The following LIN54 variants were observed in gnomAD, a reference collection of about 807,000 sequenced individuals.
LIN54 encodes the protein lin-54 DREAM MuvB core complex component, also known as protein lin-54 homolog.
LIN54 carries 9 observed loss-of-function variants against 78.7 expected under a neutral mutation model. The ratio of observed to expected loss-of-function variants is 0.11; its 90% CI spans 0.07 to 0.20. The LOEUF (loss-of-function observed/expected upper bound fraction) is 0.20. Ranked by LOEUF, LIN54 falls within the 10% of genes least tolerant of loss-of-function variation. The pLI is 1.00. For synonymous variants in LIN54, 269 were observed against 318.4 expected (o/e 0.84, Z 1.65); for missense variants, 573 against 889.9 (o/e 0.64, Z 4.53).
chr4:82,978,056 G>A (rs983323187), intron 3 of LIN54, among the ~76,000 whole-genome samples: 1 of 151,080 alleles, frequency 6.6e-6, no homozygotes, highest in African/African-American at 2.4e-5. Context: ...GGACAGGAAA[G>A]GAATGATTAC....
At chr4:82,954,291 T>TTTAAAA (rs1724100417) in intron 4 of LIN54, among the ~76,000 whole-genome samples, 1 of 151,872 alleles carries the variant, frequency 6.6e-6, no homozygotes, top group African/African-American at 2.4e-5. Flanking sequence ...ACCACAGACA[T>TTTAAAA]TTTTAAGACC....
chr4:82,970,493 A>T (rs752824637), intron 3 of LIN54, 24 bp from the exon 4 acceptor site: 1 of 1,589,368 alleles, frequency 6.3e-7, no homozygotes, highest in South Asian at 1.2e-5. Flanking sequence ...GCAGCACATC[A>T]GTTTGACTTT....
At chr4:82,938,369 T>C (rs766222167) in intron 8 of LIN54, 44 bp downstream of exon 8, 10 of 1,068,216 alleles carry the variant, frequency 9.4e-6, no homozygotes, top group Non-Finnish European at 1.3e-5. Context: ...CTGTTGCATT[T>C]AAGCTGATCT....
rs561050886 is a variant in LIN54, at chr4:83,009,183, C to T, written c.-33+1301G>A. Among the ~76,000 whole-genome samples, 6 of 152,282 alleles carry T rather than the reference C, an allele frequency of 3.9e-5. No homozygotes were observed. In the East Asian group the frequency reaches 9.6e-4, roughly 24 times the overall value. The stretch of plus-strand genomic sequence containing the variant: ...GAAAGCCAGACCTACAAACTATACA[C>T]ACCTATTCACACAAAATATTTCCCC... On this transcript the variant is annotated intron_variant, in intron 1 of 12. Transcript: ENST00000340417.
chr4:82,937,545 G>T (rs907174054), intron 8 of LIN54, among the ~76,000 whole-genome samples: 2 of 152,226 alleles, frequency 1.3e-5, no homozygotes. Context: ...TAACATGAAA[G>T]AGGTAGAGAC....
chr4:82,938,007 A>G (rs138310306), intron 8 of LIN54, among the ~76,000 whole-genome samples: 113 of 152,210 alleles, frequency 7.4e-4, no homozygotes, highest in Non-Finnish European at 1.3e-3. Context: ...TGGCATGTGC[A>G]TAGAGTTCCA....
intron 4 of LIN54, among the ~76,000 whole-genome samples, chr4:82,966,034 AC>A (rs938582932): frequency 9.9e-5 from 15 of 152,052 alleles, no homozygotes; most frequent in Non-Finnish European, 1.0e-4. Context: ...TCTACTAATA[AC>A]CCCCTTATCA....
At chr4:82,984,029 C>CAA (rs1484978289) in intron 2 of LIN54, 132 bp downstream of exon 2, 1 of 665,916 alleles carries the variant, frequency 1.5e-6, no homozygotes, top group African/African-American at 1.8e-5. Context: ...CACACACACA[C>CAA]AATTACATAA....
At chr4:82,952,087 C>T (rs1392832762) in intron 4 of LIN54, among the ~76,000 whole-genome samples, 2 of 152,144 alleles carry the variant, frequency 1.3e-5, no homozygotes, top group Non-Finnish European at 2.9e-5. Context: ...TTGGATACAA[C>T]ACCAAAGGTG....
In LIN54 at chr4:82,945,423, C is replaced by T. The variant is rs570503535; in HGVS notation, c.1168+835G>A. ...GGTGGTAAGAAGGGTTAAACACAAA[C>T]ATAGAAAATAGAAGGACAACAAACA... On this transcript the variant is annotated intron_variant, in intron 5 of 12. Transcript: ENST00000340417. 2.0e-5 allele frequency among the ~76,000 whole-genome samples: 3 copies of T among 152,134 alleles called. No individual in the cohort carries two copies. In the East Asian group the frequency reaches 5.8e-4, roughly 29 times the overall value.
chr4:83,012,555 G>C (rs1227407161), upstream of LIN54, among the ~76,000 whole-genome samples: 1 of 152,086 alleles, frequency 6.6e-6, no homozygotes, highest in Non-Finnish European at 1.5e-5. Flanking sequence ...CACCCTCTCG[G>C]GAGCCGACGG....
intron 3 of LIN54, among the ~76,000 whole-genome samples, chr4:82,971,498 T>A (rs761678806): frequency 1.5e-4 from 23 of 151,880 alleles, no homozygotes; most frequent in Non-Finnish European, 3.1e-4. Flanking sequence ...ACAATGGTCA[T>A]ATAGATAATC....
chr4:82,972,057 G>A (rs367954810), intron 3 of LIN54, among the ~76,000 whole-genome samples: 20 of 152,156 alleles, frequency 1.3e-4, no homozygotes, highest in African/African-American at 4.8e-4. Flanking sequence ...TATGCCTTTT[G>A]TTTTGTTTTG....
intron 4 of LIN54, among the ~76,000 whole-genome samples, chr4:82,966,420 C>G (rs1354565668): frequency 6.7e-6 from 1 of 149,050 alleles, no homozygotes; most frequent in Non-Finnish European, 1.5e-5. Flanking sequence ...GCCAGACTTA[C>G]TAAACGATGG....
At position 82,984,656 on chromosome 4, in the gene LIN54, C is replaced by T. The variant is rs887817440; in HGVS notation, c.189G>A (p.Thr63=). 7 of 1,613,912 alleles carry T rather than the reference C, an allele frequency of 4.3e-6. No individual in the cohort carries two copies. Among genetic ancestry groups the T allele is most frequent in the Non-Finnish European group, 5.9e-6 (7 of 1,180,016 alleles). Residue 63 remains threonine, a synonymous_variant, in exon 2 of 13, where the codon ACG becomes ACA. Coordinates refer to ENST00000340417, the MANE Select transcript of LIN54 (RefSeq NM_194282.4). ...GGTTACTGTACACTGTGATTGGTTC[C>T]GTGGAAATGGGCGTGGCTGTAGAGT... is the stretch of plus-strand genomic sequence containing the variant. ...TGDSTATPIS[T]EPITVYSNHT... is the part of the protein sequence containing the mutation.
At position 83,010,534 on chromosome 4, in the gene LIN54, A is replaced by G. The variant is rs72927138; in HGVS notation, c.-83T>C. On this transcript the variant is annotated 5_prime_UTR_variant, in exon 1 of 13. Coordinates refer to ENST00000340417, the MANE Select transcript of LIN54 (RefSeq NM_194282.4). Reference sequence around the variant, plus strand: ...CCTCGGGCTCCGAGGTAGGGGCTCCAGAAGGTCCTGGGCAATCCCGAGCCC... The same window carrying G: ...CCTCGGGCTCCGAGGTAGGGGCTCCGGAAGGTCCTGGGCAATCCCGAGCCC... 0.29 allele frequency: 340,154 copies of G among 1,179,730 alleles called. 53,065 individuals are homozygous for G. Among genetic ancestry groups the G allele is most frequent in the African/African-American group, 0.6 (37,430 of 62,488 alleles). 73.1% of individuals were successfully genotyped at this position (1,179,730 alleles called of 1,614,324 possible).
intron 1 of LIN54, among the ~76,000 whole-genome samples, chr4:83,006,030 A>G (rs1729332105): frequency 6.6e-6 from 1 of 152,236 alleles, no homozygotes. Context: ...TTAACACAGA[A>G]ACAGAAAACT....
intron 4 of LIN54, among the ~76,000 whole-genome samples, chr4:82,948,329 C>T (rs1723577394): frequency 6.6e-6 from 1 of 152,160 alleles, no homozygotes; most frequent in African/African-American, 2.4e-5. Context: ...CTAACAACCA[C>T]ACTATGAGGT....
Position 82,937,318 on chromosome 4 carries a change from G to T in LIN54, c.1533-20C>A, listed in dbSNP as rs374982923. On this transcript the variant is annotated intron_variant, in intron 8 of 12. Transcript: ENST00000340417. ...ATTATGCTGTACAGATAGAAAAAAA[G>T]ATATACATTTAATCAATTAATAGTA... 6 of 1,510,834 alleles carry T rather than the reference G, an allele frequency of 4.0e-6. No individual in the cohort carries two copies. In the South Asian group the frequency reaches 6.3e-5, roughly 16 times the overall value. 93.6% of individuals were successfully genotyped at this position (1,510,834 alleles called of 1,614,324 possible).
Sources: allele counts gnomAD v4.1 joint callset (sites outside exome capture counted in the v4.1 genomes callset), GRCh38; gene constraint gnomAD v4.1.1; transcripts MANE v1.5; gene names NCBI Gene and HGNC (gene_info 2026-07-23, HGNC 2026-07-21).